The following ZNF845 variants were observed in gnomAD, a reference collection of about 807,000 sequenced individuals.
ZNF845 encodes zinc finger protein 845.
Under a neutral mutation model 76.1 loss-of-function variants are expected in ZNF845, and 59 were observed. The ratio of observed to expected loss-of-function variants is 0.78; its 90% confidence interval spans 0.63 to 0.96. The LOEUF (loss-of-function observed/expected upper bound fraction) is 0.96, where lower values mean the gene tolerates loss of function less well. ZNF845 is among the 40% of genes least tolerant of loss of function. The probability of loss-of-function intolerance (pLI) is 0.00; values close to 1 mark genes in which losing one functional copy is unlikely to be tolerated. For synonymous variants in ZNF845, 361 were observed against 386.9 expected (o/e 0.93, Z 0.78); for missense variants, 1,045 against 1,172.8 (o/e 0.89, Z 1.59).
At position 53,345,648 on chromosome 19, in the gene ZNF845, C is replaced by A. The variant is rs769323599; in HGVS notation, c.142+16C>A. ...GTCTCCCTGGGTGAGGATAACTTCC[C>A]TCCAGAAGTGGGGATGTGCCCTTGT... On this transcript the variant is annotated intron_variant, in intron 3 of 3. Transcript: ENST00000458035. 16 of 1,611,618 alleles carry A rather than the reference C, an allele frequency of 9.9e-6. No individual in the cohort carries two copies. The highest frequency in any genetic ancestry group is 1.3e-5 in the African/African-American group (1 of 74,656).
At chr19:53,347,247 T>C (rs1398282139) in intron 3 of ZNF845, among the ~76,000 whole-genome samples, 1 of 151,816 alleles carries the variant, frequency 6.6e-6, no homozygotes, top group African/African-American at 2.4e-5. Flanking sequence ...TTGGAGTTAC[T>C]CTTTAGACTT....
intron 1 of ZNF845, among the ~76,000 whole-genome samples, chr19:53,340,655 G>GA (rs111868273): frequency 3.5e-4 from 54 of 152,272 alleles, no homozygotes; most frequent in African/African-American, 1.3e-3. Flanking sequence ...GTAATATAAA[G>GA]AAAAAATTAC....
intron 1 of ZNF845, among the ~76,000 whole-genome samples, chr19:53,334,257 C>T (rs1054018160): frequency 6.6e-6 from 1 of 152,146 alleles, no homozygotes; most frequent in Non-Finnish European, 1.5e-5. Flanking sequence ...TGTCCTATGA[C>T]ACCGGGTGTT....
Position 53,353,269 on chromosome 19 carries a change from G to A in ZNF845, c.2594G>A (p.Gly865Asp), listed in dbSNP as rs2085357877. Residue 865 changes from glycine (G) to aspartate (D), a missense_variant, in exon 4 of 4, where the codon GGC becomes GAC. Physicochemically the swap from Gly to Asp is moderately conservative, Grantham distance 94 (BLOSUM62 -1). Transcript: ENST00000458035. ...GEKPYKCSEC[G>D]KVFNRKANLS... ...AAACCTTACAAGTGTAGTGAATGTG[G>A]CAAGGTTTTTAATAGAAAAGCAAAC... is the stretch of plus-strand genomic sequence containing the variant. 1.2e-6 allele frequency: 2 copies of A among 1,613,514 alleles called. No individual in the cohort carries two copies. Among genetic ancestry groups the A allele is most frequent in the African/African-American group, 1.3e-5 (1 of 74,792 alleles).
At chr19:53,347,602 G>T (rs1478956528) in intron 3 of ZNF845, among the ~76,000 whole-genome samples, 1 of 152,140 alleles carries the variant, frequency 6.6e-6, no homozygotes, top group African/African-American at 2.4e-5. Context: ...CAGCCTCACA[G>T]TTTTTAAAAC....
Position 53,350,892 on chromosome 19 carries a change from A to G in ZNF845, c.217A>G (p.Thr73Ala). The G allele has an allele frequency of 5.0e-6, 8 of 1,614,198 alleles. No individual in the cohort carries two copies. In the Middle Eastern group the frequency reaches 6.6e-4, roughly 133 times the overall value. The change falls in exon 4 of 4, where the codon ACA (threonine) becomes GCA (alanine). Residue 73 changes from threonine to alanine, a missense_variant. Thr to Ala is a moderately conservative substitution (Grantham distance 58). Transcript: ENST00000458035. ...CAATACAGAAGTGATCCACACAGGGACATTGCAAAGACATGAACGTCATCA... is the reference window on the plus strand; with the variant it reads ...CAATACAGAAGTGATCCACACAGGGGCATTGCAAAGACATGAACGTCATCA... ...QGNTEVIHTG[T>A]LQRHERHHIG...
chr19:53,343,503 G>A (rs988226842), intron 2 of ZNF845, among the ~76,000 whole-genome samples: 5 of 151,930 alleles, frequency 3.3e-5, no homozygotes, highest in African/African-American at 9.7e-5. Flanking sequence ...ATTCCCCCCT[G>A]CCCCCACCTG....
chr19:53,343,099 G>A (rs1185435261), intron 2 of ZNF845, among the ~76,000 whole-genome samples: 1 of 152,116 alleles, frequency 6.6e-6, no homozygotes, highest in African/African-American at 2.4e-5. Flanking sequence ...GATTGCAAGC[G>A]TGATCCACCG....
chr19:53,343,119 C>T (rs770052808), intron 2 of ZNF845, among the ~76,000 whole-genome samples: 1 of 152,082 alleles, frequency 6.6e-6, no homozygotes, highest in East Asian at 1.9e-4. Flanking sequence ...GCGCCCAGCC[C>T]CCAATAGTTA....
At chr19:53,340,470 G>C (rs1457031016) in intron 1 of ZNF845, among the ~76,000 whole-genome samples, 2 of 152,126 alleles carry the variant, frequency 1.3e-5, no homozygotes, top group East Asian at 3.9e-4. Context: ...GGATGAACAG[G>C]CATCTCCACC....
At chr19:53,339,421 G>A (rs994715574) in intron 1 of ZNF845, among the ~76,000 whole-genome samples, 1 of 152,138 alleles carries the variant, frequency 6.6e-6, no homozygotes, top group Non-Finnish European at 1.5e-5. Context: ...CCAGGTGGGC[G>A]TCTGAGGGAG....
At chr19:53,342,403 C>T (rs1016953419) in intron 2 of ZNF845, among the ~76,000 whole-genome samples, 5 of 152,136 alleles carry the variant, frequency 3.3e-5, no homozygotes, top group South Asian at 2.1e-4. Context: ...AGGCATGAGC[C>T]GTGCCCAGCC....
At chr19:53,336,388 T>C (rs1296247991) in intron 1 of ZNF845, among the ~76,000 whole-genome samples, 1 of 152,078 alleles carries the variant, frequency 6.6e-6, no homozygotes, top group Non-Finnish European at 1.5e-5. Context: ...CATGCATCTG[T>C]AGTTCCAGCT....
In ZNF845 at chr19:53,353,940, A is replaced by T. The variant is rs191683588; in HGVS notation, c.*352A>T. 2.7e-5 allele frequency: 19 copies of T among 708,740 alleles called. No individual in the cohort carries two copies. The African/African-American group carries it at 3.5e-4, about 13-fold the overall frequency. 43.9% of individuals were successfully genotyped at this position (708,740 alleles called of 1,614,324 possible). A position where few individuals can be genotyped will look rare whatever the true frequency, so the allele number is the denominator to read the frequency against. On this transcript the variant is annotated 3_prime_UTR_variant, in exon 4 of 4. Transcript: ENST00000458035. ...TTTTGAAAGTGTAATAAATGTGGCAAATTTTTCAGACATTGTTCATACCTT... is the reference window on the plus strand; with the variant it reads ...TTTTGAAAGTGTAATAAATGTGGCATATTTTTCAGACATTGTTCATACCTT...
intron 2 of ZNF845, among the ~76,000 whole-genome samples, chr19:53,343,511 C>G (rs1392431162): frequency 6.6e-6 from 1 of 152,172 alleles, no homozygotes; most frequent in Admixed American, 6.5e-5. Flanking sequence ...CTGCCCCCAC[C>G]TGCCAATGTA....
intron 2 of ZNF845, among the ~76,000 whole-genome samples, chr19:53,341,626 C>T (rs1219319890): frequency 6.6e-6 from 1 of 151,774 alleles, no homozygotes; most frequent in Non-Finnish European, 1.5e-5. Context: ...GTTCAGGGGC[C>T]ACATCTGGAT....
chr19:53,351,297 G>T lies in ZNF845; in HGVS notation c.622G>T (p.Val208Leu), dbSNP rs755035226. 2.5e-6 allele frequency: 4 copies of T among 1,614,188 alleles called. No homozygotes were observed. Among genetic ancestry groups the T allele is most frequent in the Non-Finnish European group, 2.5e-6 (3 of 1,180,032 alleles). ...TTCATTACTCACACAAAAGCAGGAA[G>T]TACACATGAGAGAAAAATCTTTCCA... ...NSSLLTQKQEVHMREKSFQCN... is the reference protein window; with the variant it reads ...NSSLLTQKQELHMREKSFQCN... The change falls in exon 4 of 4, where the codon GTA becomes TTA. Residue 208 changes from valine (V) to leucine (L), a missense_variant. By Grantham distance (32) the Val-to-Leu change is conservative (BLOSUM62 1). Transcript: ENST00000458035.
At chr19:53,339,607 C>G (rs1355492216) in intron 1 of ZNF845, among the ~76,000 whole-genome samples, 1 of 152,214 alleles carries the variant, frequency 6.6e-6, no homozygotes, top group Non-Finnish European at 1.5e-5. Context: ...ATTGCCAAGT[C>G]AGAAGTCTTA....
intron 3 of ZNF845, among the ~76,000 whole-genome samples, chr19:53,348,166 G>A (rs1311118182): frequency 1.3e-5 from 2 of 152,238 alleles, no homozygotes; most frequent in South Asian, 2.1e-4. Flanking sequence ...ACTCCATCCC[G>A]GGTGACAGAG....
Sources: gnomAD v4.1 joint callset for allele counts (sites outside exome capture counted in the v4.1 genomes callset) on GRCh38, gnomAD v4.1.1 for gene constraint, MANE v1.5 for transcripts, NCBI Gene and HGNC (gene_info 2026-07-23, HGNC 2026-07-21) for gene names.